Variants in SAMTOR observed in about 807,000 individuals in gnomAD.
The protein encoded by SAMTOR is S-adenosylmethionine sensor upstream of mTORC1.
chr7:112,916,816 T>G, the SAMTOR span, among the ~76,000 whole-genome samples: 2 of 152,194 alleles, frequency 1.3e-5, no homozygotes, highest in Admixed American at 6.5e-5. Flanking sequence ...CGGAGGGTCC[T>G]ACGCCCACAG....
the SAMTOR span, among the ~76,000 whole-genome samples, chr7:112,838,413 C>G: frequency 1.3e-5 from 2 of 151,818 alleles, no homozygotes; most frequent in African/African-American, 4.8e-5. Context: ...AGAATAATCT[C>G]TGCAAATTGA....
At chr7:112,836,187 C>T in the SAMTOR span, among the ~76,000 whole-genome samples, 1 of 151,968 alleles carries the variant, frequency 6.6e-6, no homozygotes, top group Non-Finnish European at 1.5e-5. Context: ...ATTCTGATGC[C>T]TGTGAGATGG....
the SAMTOR span, among the ~76,000 whole-genome samples, chr7:112,876,589 G>T: frequency 6.6e-6 from 1 of 152,084 alleles, no homozygotes; most frequent in African/African-American, 2.4e-5. Flanking sequence ...GATCTACCCA[G>T]AGTTCACAGT....
chr7:112,938,642 G>C, the SAMTOR span, among the ~76,000 whole-genome samples: 1 of 152,116 alleles, frequency 6.6e-6, no homozygotes, highest in African/African-American at 2.4e-5. Flanking sequence ...TCCTCATTTC[G>C]ATACTCAGGA....
At chr7:112,923,761 C>T in the SAMTOR span, among the ~76,000 whole-genome samples, 10 of 152,020 alleles carry the variant, frequency 6.6e-5, no homozygotes, top group East Asian at 1.4e-3. Flanking sequence ...TATTGCGGCA[C>T]TATTCACAAT....
the SAMTOR span, among the ~76,000 whole-genome samples, chr7:112,838,706 A>G: frequency 1.3e-5 from 2 of 152,042 alleles, no homozygotes; most frequent in South Asian, 4.1e-4. Flanking sequence ...TGAGCATACT[A>G]TTCTAAAGAC....
the SAMTOR span, among the ~76,000 whole-genome samples, chr7:112,882,161 C>T: frequency 2.3e-4 from 35 of 152,218 alleles, no homozygotes; most frequent in Non-Finnish European, 3.8e-4. Context: ...GCTGGCACGC[C>T]TGGCTGTGTG....
At chr7:112,843,781 C>T in the SAMTOR span, among the ~76,000 whole-genome samples, 1 of 151,926 alleles carries the variant, frequency 6.6e-6, no homozygotes, top group Non-Finnish European at 1.5e-5. Flanking sequence ...GACTCCTCCC[C>T]ACCTCATTCT....
chr7:112,882,161 C>A, the SAMTOR span, among the ~76,000 whole-genome samples: 1 of 152,218 alleles, frequency 6.6e-6, no homozygotes, highest in Non-Finnish European at 1.5e-5. Context: ...GCTGGCACGC[C>A]TGGCTGTGTG....
At chr7:112,902,431 AAAAAAAAC>A in the SAMTOR span, among the ~76,000 whole-genome samples, 229 of 110,518 alleles carry the variant, frequency 2.1e-3, 30 homozygotes, top group Middle Eastern at 0.017. Context: ...AAAAAAAACA[AAAAAAAAC>A]AAAAAAAAAC....
the SAMTOR span, among the ~76,000 whole-genome samples, chr7:112,888,645 T>C: frequency 6.6e-6 from 1 of 152,130 alleles, no homozygotes; most frequent in Non-Finnish European, 1.5e-5. Flanking sequence ...AAAAAGTATA[T>C]CTTTACTATG....
chr7:112,870,061 G>C, the SAMTOR span, among the ~76,000 whole-genome samples: 2 of 152,078 alleles, frequency 1.3e-5, no homozygotes, highest in African/African-American at 2.4e-5. Flanking sequence ...TATGTAAAGC[G>C]ATCAAATCTA....
chr7:112,821,693 G>T, the SAMTOR span: 1 of 1,495,934 alleles, frequency 6.7e-7, no homozygotes, highest in Non-Finnish European at 9.0e-7. Context: ...TCCAATTGGT[G>T]TAAGCAATTA....
chr7:112,868,559 T>C, the SAMTOR span, among the ~76,000 whole-genome samples: 1 of 151,912 alleles, frequency 6.6e-6, no homozygotes, highest in Non-Finnish European at 1.5e-5. Flanking sequence ...GGCTAAGAGA[T>C]AGTGAGGGAA....
At chr7:112,927,140 ATCT>A in the SAMTOR span, among the ~76,000 whole-genome samples, 2 of 152,050 alleles carry the variant, frequency 1.3e-5, no homozygotes, top group East Asian at 3.9e-4. Context: ...TTTCAAAGTA[ATCT>A]ATGATTCAGG....
chr7:112,875,165 C>G, the SAMTOR span, among the ~76,000 whole-genome samples: 6 of 152,120 alleles, frequency 3.9e-5, no homozygotes, highest in Non-Finnish European at 4.4e-5. Context: ...CCTGACCCAG[C>G]CCCCAGCTCA....
the SAMTOR span, among the ~76,000 whole-genome samples, chr7:112,938,969 C>T: frequency 2.0e-5 from 3 of 152,148 alleles, no homozygotes; most frequent in African/African-American, 7.2e-5. Flanking sequence ...ACAGTTAAGA[C>T]CAAGTATTTA....
chr7:112,915,580 A>C, the SAMTOR span: 200 of 538,790 alleles, frequency 3.7e-4, no homozygotes, highest in African/African-American at 3.4e-3. Flanking sequence ...TAAAATTTTA[A>C]ACATTTAAAA....
the SAMTOR span, among the ~76,000 whole-genome samples, chr7:112,850,091 A>G: frequency 4.6e-5 from 7 of 152,260 alleles, no homozygotes; most frequent in Non-Finnish European, 1.0e-4. Context: ...CTGTAATCCC[A>G]GCTACTTGGG....
Sources: allele counts gnomAD v4.1 joint callset (sites outside exome capture counted in the v4.1 genomes callset), GRCh38; gene constraint gnomAD v4.1.1; transcripts MANE v1.5; gene names NCBI Gene and HGNC (gene_info 2026-07-23, HGNC 2026-07-21).